CDKN2B-AS1: variants seen among roughly 807,000 people sequenced by gnomAD.
CDKN2B-AS1 encodes CDKN2B and CDKN2A antisense cis and trans regulatory RNA 1.
At chr9:22,035,087 TAG>T (rs994640975) in intron 1 of CDKN2B-AS1, among the ~76,000 whole-genome samples, 1 of 152,180 alleles carries the variant, frequency 6.6e-6, no homozygotes, top group African/African-American at 2.4e-5. Flanking sequence ...TGGCATCTAA[TAG>T]ATGCCTAATA....
chr9:22,036,119 A>G (rs931206787), intron 1 of CDKN2B-AS1, among the ~76,000 whole-genome samples: 46 of 152,104 alleles, frequency 3.0e-4, no homozygotes, highest in Non-Finnish European at 2.4e-4. Context: ...ATGAGAACAG[A>G]TCTACCTTAG....
At chr9:22,117,030 C>G (rs1825968662) in intron 4 of CDKN2B-AS1, among the ~76,000 whole-genome samples, 1 of 152,138 alleles carries the variant, frequency 6.6e-6, no homozygotes, top group Non-Finnish European at 1.5e-5. Flanking sequence ...AGGGGAATGA[C>G]TTCTAATAAT....
At chr9:22,068,842 C>T (rs142324406) in intron 4 of CDKN2B-AS1, among the ~76,000 whole-genome samples, 207 of 152,278 alleles carry the variant, frequency 1.4e-3, no homozygotes, top group Admixed American at 2.4e-3. Flanking sequence ...TGATGGTCAA[C>T]CTGTTCAATG....
intron 1 of CDKN2B-AS1, chr9:22,012,571 C>T (rs891126103): frequency 7.7e-6 from 4 of 520,358 alleles, no homozygotes; most frequent in African/African-American, 5.8e-5. Context: ...AGCCTCCTGC[C>T]CAGGCCCCAT....
At chr9:22,083,362 A>G (rs1336026594) in intron 4 of CDKN2B-AS1, among the ~76,000 whole-genome samples, 2 of 152,226 alleles carry the variant, frequency 1.3e-5, no homozygotes, top group East Asian at 3.9e-4. Flanking sequence ...CACTTATGGA[A>G]TGATTTCATT....
chr9:22,116,363 A>T (rs770281673), intron 4 of CDKN2B-AS1, among the ~76,000 whole-genome samples: 4 of 152,232 alleles, frequency 2.6e-5, no homozygotes, highest in Admixed American at 6.5e-5. Flanking sequence ...GGAAACTGTG[A>T]TACATTAATT....
At position 22,114,412 on chromosome 9, in the gene CDKN2B-AS1, C is replaced by T. The variant is rs547442250; in HGVS notation, n.439-12691C>T. ...GAAATTAGATGTGCAAGAGATTCGC[C>T]GAGGTAAACCTTGTGGGAGAAAATG... is the stretch of plus-strand genomic sequence containing the variant. On this transcript the variant is annotated intron_variant and non_coding_transcript_variant, in intron 4 of 4. Coordinates refer to ENST00000650946, the Ensembl canonical transcript of CDKN2B-AS1. Among the ~76,000 whole-genome samples, 9 of 152,160 alleles carry T rather than the reference C, an allele frequency of 5.9e-5. No individual in the cohort carries two copies. The East Asian group carries it at 1.2e-3, about 20-fold the overall frequency.
At chr9:22,054,686 T>G (rs891198894) in intron 3 of CDKN2B-AS1, among the ~76,000 whole-genome samples, 9 of 150,556 alleles carry the variant, frequency 6.0e-5, no homozygotes, top group Non-Finnish European at 1.3e-4. Flanking sequence ...ATTTTTATTT[T>G]TTTATTTTTT....
intron 1 of CDKN2B-AS1, among the ~76,000 whole-genome samples, chr9:22,033,170 C>A (rs966975753): frequency 1.3e-5 from 2 of 152,114 alleles, no homozygotes; most frequent in South Asian, 2.1e-4. Context: ...GAGCACCCCC[C>A]ACCCACCTGC....
At chr9:22,080,561 C>G (rs1396625665) in intron 4 of CDKN2B-AS1, among the ~76,000 whole-genome samples, 2 of 152,132 alleles carry the variant, frequency 1.3e-5, no homozygotes, top group African/African-American at 2.4e-5. Flanking sequence ...AGAAGAAAAT[C>G]AAACACAATG....
chr9:22,004,778 C>T (rs1821083260), intron 1 of CDKN2B-AS1: 1 of 233,030 alleles, frequency 4.3e-6, no homozygotes, highest in Non-Finnish European at 8.5e-6. Context: ...AGATAATTTA[C>T]TGCATAAGTG....
At chr9:22,103,373 G>T (rs1378398655) in intron 4 of CDKN2B-AS1, among the ~76,000 whole-genome samples, 1 of 152,228 alleles carries the variant, frequency 6.6e-6, no homozygotes, top group East Asian at 1.9e-4. Flanking sequence ...CAGGAGGTTG[G>T]TCAGAGGCTA....
chr9:22,002,317 T>C (rs3217997), intron 1 of CDKN2B-AS1, among the ~76,000 whole-genome samples: 6,449 of 152,094 alleles, frequency 0.042, 373 homozygotes, highest in African/African-American at 0.13. Flanking sequence ...GTTTTGCATA[T>C]CATTAGTTCT....
chr9:21,998,373 A>T (rs1405259376), intron 1 of CDKN2B-AS1, among the ~76,000 whole-genome samples: 1 of 152,212 alleles, frequency 6.6e-6, no homozygotes. Flanking sequence ...CAAAATTGGG[A>T]TTATTACTCC....
chr9:22,069,356 T>A (rs1049947893), intron 4 of CDKN2B-AS1, among the ~76,000 whole-genome samples: 1 of 14,170 alleles, frequency 7.1e-5, no homozygotes, highest in Admixed American at 1.5e-3. Context: ...TTTTCTCGAA[T>A]AACCACTATA....
intron 4 of CDKN2B-AS1, among the ~76,000 whole-genome samples, chr9:22,074,738 G>A (rs1356420278): frequency 6.6e-6 from 1 of 152,186 alleles, no homozygotes; most frequent in Non-Finnish European, 1.5e-5. Flanking sequence ...CCTGGGCACT[G>A]ATTCCAGGCA....
At chr9:22,067,446 GT>G (rs1824096181) in intron 4 of CDKN2B-AS1, among the ~76,000 whole-genome samples, 1 of 152,100 alleles carries the variant, frequency 6.6e-6, no homozygotes, top group Non-Finnish European at 1.5e-5. Flanking sequence ...GTAGGCAACT[GT>G]TTCAGCTTCC....
At chr9:22,045,109 G>C (rs1188554560) in intron 1 of CDKN2B-AS1, among the ~76,000 whole-genome samples, 1 of 149,016 alleles carries the variant, frequency 6.7e-6, no homozygotes, top group Non-Finnish European at 1.5e-5. Flanking sequence ...CCTATGCAAA[G>C]GATTTGATTT....
intron 4 of CDKN2B-AS1, among the ~76,000 whole-genome samples, chr9:22,100,657 T>C (rs541158650): frequency 6.6e-6 from 1 of 152,346 alleles, no homozygotes; most frequent in South Asian, 2.1e-4. Context: ...GAAGTATTTT[T>C]TCATTTCCTT....
Sources: gnomAD v4.1 joint callset for allele counts (sites outside exome capture counted in the v4.1 genomes callset) on GRCh38, gnomAD v4.1.1 for gene constraint, MANE v1.5 for transcripts, NCBI Gene and HGNC (gene_info 2026-07-23, HGNC 2026-07-21) for gene names.